The following SYNE2 variants were observed in gnomAD, a reference collection of about 807,000 sequenced individuals.
SYNE2 encodes the protein nesprin-2.
In SYNE2, 431 loss-of-function variants were observed where a neutral mutation model predicts 856.3. The ratio of observed to expected loss-of-function variants is 0.50; its 90% confidence interval spans 0.47 to 0.55. The LOEUF (loss-of-function observed/expected upper bound fraction) is 0.55, where lower values mean the gene tolerates loss of function less well. Among genes scored for constraint, SYNE2 ranks in the 20% least tolerant of loss-of-function variants. SYNE2 has a pLI of 0.00. For synonymous variants in SYNE2, 2,923 were observed against 2,872.3 expected, an observed-to-expected ratio of 1.02 and a Z score of -0.56; for missense variants, 8,129 against 8,023.2, an observed-to-expected ratio of 1.01 and a Z score of -0.50.
At chr14:64,141,281 G>T in intron 80 of SYNE2, 60 bp from the exon 81 acceptor site, 1 of 1,400,604 alleles carries the variant, frequency 7.1e-7, no homozygotes, top group South Asian at 1.2e-5. Context: ...CAGTTATTCC[G>T]ACTCTTACTT....
At chr14:63,948,796 A>G (rs754218433) in intron 6 of SYNE2, among the ~76,000 whole-genome samples, 1,581 of 83,550 alleles carry the variant, frequency 0.019, 130 homozygotes, top group African/African-American at 0.043. Flanking sequence ...ATATATATAT[A>G]TATATATATA....
At chr14:63,889,692 G>A (rs973658791) in intron 1 of SYNE2, among the ~76,000 whole-genome samples, 1 of 151,948 alleles carries the variant, frequency 6.6e-6, no homozygotes, top group African/African-American at 2.4e-5. Context: ...TGCCTGGGCT[G>A]GTGTGAAACC....
chr14:63,899,218 T>C (rs2095302530), intron 1 of SYNE2, among the ~76,000 whole-genome samples: 1 of 152,146 alleles, frequency 6.6e-6, no homozygotes, highest in Non-Finnish European at 1.5e-5. Context: ...TTTTTTTTTT[T>C]TGAGATGGTG....
intron 115 of SYNE2, 86 bp downstream of exon 115, chr14:64,225,131 C>G (rs985016032): frequency 1.9e-6 from 3 of 1,572,214 alleles, no homozygotes; most frequent in Non-Finnish European, 8.7e-7. Context: ...TATCAAGGTC[C>G]TTGCAAAAAT....
At chr14:63,799,141 C>T (rs1161059052) in intron 1 of SYNE2, among the ~76,000 whole-genome samples, 2 of 152,166 alleles carry the variant, frequency 1.3e-5, no homozygotes, top group African/African-American at 2.4e-5. Context: ...TGCAGTGGCG[C>T]AATCTCTGCT....
intron 41 of SYNE2, 55 bp downstream of exon 41, chr14:64,025,476 G>C: frequency 6.5e-7 from 1 of 1,536,820 alleles, no homozygotes; most frequent in South Asian, 1.2e-5. Context: ...GTTTTGAAAA[G>C]ATTTAGAGGA....
In SYNE2 at chr14:64,098,086, G is replaced by A. The variant is rs1327997293; in HGVS notation, c.12246G>A (p.Arg4082=). 1.2e-6 allele frequency: 2 copies of A among 1,614,048 alleles called. No homozygotes were observed. The highest frequency in any genetic ancestry group is 1.7e-6 in the Non-Finnish European group (2 of 1,180,032). ...AACAAGAAGGAGTAGAAAGAGATAG[G>A]CTGCCAGCTGTAACATCAGAGGAAG... ...KQEQEGVERD[R]LPAVTSEEGG... Residue 4082 remains arginine, a synonymous_variant, in exon 62 of 116, where the codon AGG becomes AGA. Transcript: ENST00000555002.
At chr14:63,912,429 C>A (rs1330275528) in intron 2 of SYNE2, among the ~76,000 whole-genome samples, 1 of 152,106 alleles carries the variant, frequency 6.6e-6, no homozygotes, top group Non-Finnish European at 1.5e-5. Flanking sequence ...AGGCACTTGG[C>A]ATTGTACACA....
At chr14:64,182,972 C>A (rs1441543709) in intron 96 of SYNE2, among the ~76,000 whole-genome samples, 1 of 149,144 alleles carries the variant, frequency 6.7e-6, no homozygotes, top group East Asian at 2.1e-4. Context: ...CGGGCAGAGG[C>A]GCCCCCCACC....
intron 1 of SYNE2, chr14:63,873,728 T>G (rs2094645127): frequency 1.3e-5 from 2 of 152,216 alleles, no homozygotes; most frequent in African/African-American, 2.4e-5. Context: ...GATTCTCATT[T>G]TTTTCTCCAT....
intron 70 of SYNE2, among the ~76,000 whole-genome samples, chr14:64,123,237 C>T (rs1281901847): frequency 2.6e-5 from 4 of 152,282 alleles, no homozygotes; most frequent in African/African-American, 9.6e-5. Flanking sequence ...TGTGATTGGC[C>T]CTCCTTATCA....
At chr14:64,128,367 C>A in intron 73 of SYNE2, 85 bp from the exon 74 acceptor site, 1 of 762,838 alleles carries the variant, frequency 1.3e-6, no homozygotes, top group Non-Finnish European at 2.3e-6. Flanking sequence ...TCTAGTGTCA[C>A]AAAAATTATA....
chr14:63,947,602 G>A (rs1401029863), intron 6 of SYNE2, among the ~76,000 whole-genome samples: 1 of 152,054 alleles, frequency 6.6e-6, no homozygotes, highest in Non-Finnish European at 1.5e-5. Context: ...TTGGGAGGCC[G>A]AGGCAGGTGG....
chr14:63,912,164 C>T (rs947945055), intron 2 of SYNE2, among the ~76,000 whole-genome samples: 1 of 151,858 alleles, frequency 6.6e-6, no homozygotes, highest in Non-Finnish European at 1.5e-5. Flanking sequence ...GGCTTTACGG[C>T]GAAATGAATA....
chr14:64,188,855 T>G, intron 98 of SYNE2, 147 bp downstream of exon 98: 1 of 836,278 alleles, frequency 1.2e-6, no homozygotes, highest in Non-Finnish European at 2.0e-6. Context: ...TTCGATCCTT[T>G]TGAGAGAACA....
At chr14:63,889,490 T>A (rs995795641) in intron 1 of SYNE2, among the ~76,000 whole-genome samples, 3 of 152,124 alleles carry the variant, frequency 2.0e-5, no homozygotes, top group African/African-American at 4.8e-5. Flanking sequence ...ATATTTATAT[T>A]TTGGAGTTAG....
chr14:64,120,911 A>G lies in SYNE2; in HGVS notation c.13024-16A>G, dbSNP rs1459273693. On this transcript the variant is annotated splice_polypyrimidine_tract_variant and intron_variant, in intron 67 of 115. Transcript: ENST00000555002. ...TTTTAAAAATAAATAGCCTGCCATT[A>G]TGAAATGTTTTGCAGCATCCTACCA... 2 of 1,613,844 alleles carry G rather than the reference A, an allele frequency of 1.2e-6. No individual in the cohort carries two copies. The highest frequency in any genetic ancestry group is 1.3e-5 in the African/African-American group (1 of 74,936).
chr14:64,052,541 T>C lies in SYNE2; in HGVS notation c.8628T>C (p.Thr2876=). ...CTGAACTAAAACATCACCATGTTACTTTGGAGGCATCTCAGAAGGAATTGC... is the reference window on the plus strand; with the variant it reads ...CTGAACTAAAACATCACCATGTTACCTTGGAGGCATCTCAGAAGGAATTGC... ...TEAELKHHHV[T]LEASQKELQE... Residue 2876 remains threonine, a synonymous_variant, in exon 48 of 116, where the codon ACT becomes ACC. Transcript: ENST00000555002. The C allele has an allele frequency of 6.2e-7, 1 of 1,614,130 alleles. No individual in the cohort carries two copies. Among genetic ancestry groups the C allele is most frequent in the Non-Finnish European group, 8.5e-7 (1 of 1,180,040 alleles).
intron 1 of SYNE2, among the ~76,000 whole-genome samples, chr14:63,876,873 CAG>C (rs1232932108): frequency 6.6e-6 from 1 of 152,072 alleles, no homozygotes; most frequent in African/African-American, 2.4e-5. Flanking sequence ...CCCAGTGAGT[CAG>C]GGAACAAATA....
Sources: gnomAD v4.1 joint callset for allele counts (sites outside exome capture counted in the v4.1 genomes callset) on GRCh38, gnomAD v4.1.1 for gene constraint, MANE v1.5 for transcripts, NCBI Gene and HGNC (gene_info 2026-07-23, HGNC 2026-07-21) for gene names.